The following SMAP1 variants were observed in gnomAD, a reference collection of about 807,000 sequenced individuals.
The protein encoded by SMAP1 is small ArfGAP 1, also known as stromal membrane-associated protein 1.
SMAP1 carries 24 observed loss-of-function variants against 58.5 expected under a neutral mutation model. The ratio of observed to expected loss-of-function variants is 0.41; its 90% confidence interval spans 0.30 to 0.58. The LOEUF is 0.58. Ranked by LOEUF, SMAP1 falls within the 20% of genes least tolerant of loss-of-function variation. SMAP1 has a pLI of 0.29. For missense variants in SMAP1, 563 were observed against 566.3 expected (o/e 0.99, Z 0.06); for synonymous variants, 216 against 196.6 (o/e 1.10, Z -0.82).
chr6:70,744,712 G>A (rs1271554594), intron 2 of SMAP1, among the ~76,000 whole-genome samples: 1 of 152,180 alleles, frequency 6.6e-6, no homozygotes, highest in East Asian at 1.9e-4. Context: ...TGGGTCAAAT[G>A]GCATTTCTAG....
intron 6 of SMAP1, among the ~76,000 whole-genome samples, chr6:70,825,179 G>A (rs566503751): frequency 6.6e-6 from 1 of 152,124 alleles, no homozygotes; most frequent in Admixed American, 6.5e-5. Context: ...TTACAAAATA[G>A]ATATTCAAAG....
At chr6:70,838,778 G>A (rs1031755047) in intron 7 of SMAP1, among the ~76,000 whole-genome samples, 2 of 152,116 alleles carry the variant, frequency 1.3e-5, no homozygotes, top group African/African-American at 4.8e-5. Flanking sequence ...ACAGGACTTT[G>A]GCTTTAACTC....
chr6:70,739,005 A>G (rs1447594235), intron 2 of SMAP1, among the ~76,000 whole-genome samples: 1 of 152,218 alleles, frequency 6.6e-6, no homozygotes, highest in Non-Finnish European at 1.5e-5. Context: ...ACAGTTGATT[A>G]AAGTACAATA....
At chr6:70,678,862 T>C (rs1766586107) in intron 1 of SMAP1, among the ~76,000 whole-genome samples, 1 of 152,186 alleles carries the variant, frequency 6.6e-6, no homozygotes, top group Non-Finnish European at 1.5e-5. Context: ...TTATGACCTT[T>C]TGGCTTTATC....
At chr6:70,712,763 T>G (rs1454492790) in intron 1 of SMAP1, among the ~76,000 whole-genome samples, 1 of 145,656 alleles carries the variant, frequency 6.9e-6, no homozygotes, top group East Asian at 1.9e-4. Flanking sequence ...TTTTTATTGC[T>G]TTTCTTTTCT....
intron 1 of SMAP1, among the ~76,000 whole-genome samples, chr6:70,686,982 C>T (rs1044229898): frequency 2.6e-5 from 4 of 152,070 alleles, no homozygotes; most frequent in Admixed American, 6.6e-5. Context: ...TACATTGTGG[C>T]TGTCTCTCTG....
At chr6:70,785,478 A>T (rs1454211194) in intron 4 of SMAP1, among the ~76,000 whole-genome samples, 1 of 152,230 alleles carries the variant, frequency 6.6e-6, no homozygotes, top group Admixed American at 6.5e-5. Flanking sequence ...AAATAGAGAC[A>T]CAAAAAACCC....
chr6:70,703,640 T>A (rs1026214375), intron 1 of SMAP1, among the ~76,000 whole-genome samples: 1 of 152,202 alleles, frequency 6.6e-6, no homozygotes, highest in Non-Finnish European at 1.5e-5. Context: ...TTCCTCTAAT[T>A]GTTTTGGGTG....
intron 3 of SMAP1, among the ~76,000 whole-genome samples, chr6:70,759,491 T>C (rs1397753603): frequency 6.6e-6 from 1 of 152,104 alleles, no homozygotes; most frequent in Non-Finnish European, 1.5e-5. Flanking sequence ...AGCTTCCAAG[T>C]TATTTAATTT....
intron 1 of SMAP1, among the ~76,000 whole-genome samples, chr6:70,700,589 C>T (rs896220713): frequency 2.6e-5 from 4 of 152,206 alleles, no homozygotes; most frequent in African/African-American, 9.6e-5. Context: ...TGAGCCATGG[C>T]ACCCAGCCTA....
At chr6:70,681,971 G>A (rs1256192120) in intron 1 of SMAP1, among the ~76,000 whole-genome samples, 1 of 152,102 alleles carries the variant, frequency 6.6e-6, no homozygotes, top group Non-Finnish European at 1.5e-5. Flanking sequence ...ATATATTAAT[G>A]CAAGGTTTTG....
At chr6:70,764,495 A>G (rs1766879513) in intron 3 of SMAP1, among the ~76,000 whole-genome samples, 1 of 152,166 alleles carries the variant, frequency 6.6e-6, no homozygotes, top group Non-Finnish European at 1.5e-5. Context: ...ATGTTTATTT[A>G]CTATTTTGAA....
At chr6:70,748,576 C>A (rs76711240) in intron 2 of SMAP1, among the ~76,000 whole-genome samples, 2,071 of 151,986 alleles carry the variant, frequency 0.014, 17 homozygotes, top group Non-Finnish European at 0.023. Context: ...TATGAGAAGA[C>A]TTTTTTCTCC....
At chr6:70,757,821 T>C (rs1766564282) in intron 3 of SMAP1, among the ~76,000 whole-genome samples, 1 of 152,208 alleles carries the variant, frequency 6.6e-6, no homozygotes, top group South Asian at 2.1e-4. Flanking sequence ...CACAATGAGA[T>C]ACCATCTCAC....
intron 6 of SMAP1, among the ~76,000 whole-genome samples, chr6:70,823,640 A>G (rs1582260234): frequency 6.6e-6 from 1 of 152,150 alleles, no homozygotes; most frequent in African/African-American, 2.4e-5. Flanking sequence ...TGTCTAACCT[A>G]TGTACATCCT....
intron 1 of SMAP1, among the ~76,000 whole-genome samples, chr6:70,687,322 T>G (rs1305954955): frequency 1.3e-5 from 2 of 152,196 alleles, no homozygotes; most frequent in African/African-American, 2.4e-5. Context: ...TACAGCAGTT[T>G]CTCAAAAAAC....
At chr6:70,783,523 A>C (rs192538145) in intron 4 of SMAP1, among the ~76,000 whole-genome samples, 59 of 152,306 alleles carry the variant, frequency 3.9e-4, no homozygotes, top group Admixed American at 2.0e-3. Flanking sequence ...GAGGAAACTC[A>C]AACAAATGGC....
intron 1 of SMAP1, among the ~76,000 whole-genome samples, chr6:70,718,243 G>C (rs1768356631): frequency 6.6e-6 from 1 of 152,202 alleles, no homozygotes; most frequent in Non-Finnish European, 1.5e-5. Context: ...TAGCTAATGA[G>C]ATCCTGAACT....
At chr6:70,749,990 CA>C (rs1364565051) in intron 2 of SMAP1, among the ~76,000 whole-genome samples, 3 of 152,180 alleles carry the variant, frequency 2.0e-5, no homozygotes, top group Non-Finnish European at 4.4e-5. Context: ...GTCTTCTTTT[CA>C]GGGGAATGCA....
Sources: gnomAD v4.1 joint callset for allele counts (sites outside exome capture counted in the v4.1 genomes callset) on GRCh38, gnomAD v4.1.1 for gene constraint, MANE v1.5 for transcripts, NCBI Gene and HGNC (gene_info 2026-07-23, HGNC 2026-07-21) for gene names.